Variants in PPP1R2 observed in about 807,000 individuals in gnomAD.
The protein encoded by PPP1R2 is protein phosphatase 1 regulatory inhibitor subunit 2.
In PPP1R2, 16 loss-of-function variants were observed where a neutral mutation model predicts 29.9. The observed-to-expected ratio is 0.53, with a 90% CI of 0.36 to 0.81. The LOEUF is 0.81. PPP1R2 is among the 30% of genes least tolerant of loss of function. The pLI, the probability that PPP1R2 is intolerant of heterozygous loss-of-function variation, is 0.00. For synonymous variants in PPP1R2, 76 were observed against 91.5 expected, an observed-to-expected ratio of 0.83 and a Z score of 0.96; for missense variants, 197 against 252.7, an observed-to-expected ratio of 0.78 and a Z score of 1.49.
intron 1 of PPP1R2, among the ~76,000 whole-genome samples, chr3:195,536,294 A>T (rs1161470114): frequency 2.9e-4 from 2 of 6,934 alleles, no homozygotes; most frequent in Admixed American, 3.0e-3. Flanking sequence ...CCCTGTCTTT[A>T]AAAAAAAAAA....
In PPP1R2 at chr3:195,524,999, T is replaced by C. The variant is rs1012148509; in HGVS notation, c.231-103A>G. ...CATCAACCTACTTAACATATCAATA[T>C]ATTTATAGCTCTGTTGATATCTTTG... On this transcript the variant is annotated intron_variant, in intron 2 of 5. Coordinates refer to ENST00000618156, the MANE Select transcript of PPP1R2 (RefSeq NM_006241.8). The C allele has an allele frequency of 1.7e-4, 149 of 891,394 alleles. 1 individual carries two copies. In the Middle Eastern group the frequency reaches 1.9e-3, roughly 11 times the overall value. 55.2% of individuals were successfully genotyped at this position (891,394 alleles called of 1,614,324 possible).
intron 2 of PPP1R2, among the ~76,000 whole-genome samples, chr3:195,526,467 A>G (rs561372951): frequency 1.3e-5 from 2 of 152,308 alleles, no homozygotes; most frequent in South Asian, 2.1e-4. Context: ...TGAACTGATA[A>G]AAGCAGGACA....
At position 195,542,995 on chromosome 3, in the gene PPP1R2, T is replaced by C. The variant is rs781522597; in HGVS notation, c.31A>G (p.Ile11Val). Residue 11 changes from isoleucine to valine, a missense_variant, in exon 1 of 6, where the codon ATC (isoleucine) becomes GTC (valine). Coordinates refer to ENST00000618156, the MANE Select transcript of PPP1R2 (RefSeq NM_006241.8). ...GTCTTGTTCTTCAAGATCCCCTTGA[T>C]GGGCCGGTGCGAGGCCGTCGAGGCC... MAASTASHRP[I>V]KGILKNKTST... The C allele has an allele frequency of 2.5e-6, 4 of 1,601,958 alleles. No homozygotes were observed. Among genetic ancestry groups the C allele is most frequent in the Admixed American group, 1.7e-5 (1 of 58,438 alleles).
intron 4 of PPP1R2, among the ~76,000 whole-genome samples, chr3:195,520,540 A>G (rs1718716626): frequency 2.0e-5 from 3 of 152,178 alleles, no homozygotes. Flanking sequence ...TAAGCTTAGA[A>G]GGCTGAAACT....
intron 1 of PPP1R2, among the ~76,000 whole-genome samples, chr3:195,533,181 T>A (rs1719251126): frequency 6.6e-6 from 1 of 152,060 alleles, no homozygotes; most frequent in Non-Finnish European, 1.5e-5. Flanking sequence ...ACCCCGTCTC[T>A]ACCAAAAATA....
At chr3:195,538,385 C>T (rs1035851344) in intron 1 of PPP1R2, among the ~76,000 whole-genome samples, 1 of 152,160 alleles carries the variant, frequency 6.6e-6, no homozygotes, top group African/African-American at 2.4e-5. Flanking sequence ...AGAAATGGTT[C>T]TTTCTTTAAA....
intron 2 of PPP1R2, among the ~76,000 whole-genome samples, chr3:195,527,131 C>T (rs1719000455): frequency 6.6e-6 from 1 of 151,738 alleles, no homozygotes; most frequent in Admixed American, 6.6e-5. Flanking sequence ...ACTCTGTTGC[C>T]CAGGTTGGTC....
Position 195,529,806 on chromosome 3 carries a change from G to A in PPP1R2, c.218C>T (p.Thr73Ile). The change falls in exon 2 of 6, where the codon ACT becomes ATT. Residue 73 changes from threonine to isoleucine, a missense_variant. Physicochemically the swap from Thr to Ile is moderately conservative, Grantham distance 89. Around this residue, in one of 3 missense-constraint regions of PPP1R2, gnomAD observed 135 missense variants for 163.0 expected, o/e 0.83. Coordinates refer to ENST00000618156, the MANE Select transcript of PPP1R2 (RefSeq NM_006241.8). ...YGLMKIDEPS[T>I]PYHSMMGDDE... ...TACGTAACATTACCTATGGTAAGGA[G>A]TGCTTGGTTCATCTATTTTCATTAA... The A allele has an allele frequency of 6.2e-7, 1 of 1,600,670 alleles. No homozygotes were observed. Among genetic ancestry groups the A allele is most frequent in the South Asian group, 1.1e-5 (1 of 88,756 alleles).
chr3:195,516,568 C>T lies in PPP1R2; in HGVS notation c.*328G>A. The stretch of plus-strand genomic sequence containing the variant: ...TCAAGTGATGAAAATAAATTAGTTC[C>T]CCCCCAAAGATATTGTTTAACTTCT... On this transcript the variant is annotated 3_prime_UTR_variant, in exon 6 of 6. Transcript: ENST00000618156. 1 of 228,566 alleles carries T rather than the reference C, an allele frequency of 4.4e-6. No homozygotes were observed. Among genetic ancestry groups the T allele is most frequent in the Admixed American group, 5.2e-5 (1 of 19,072 alleles). The allele number at this position is 228,566 out of a possible 1,614,324, so 14.2% of individuals were successfully genotyped here. A position where few individuals can be genotyped will look rare whatever the true frequency, so the allele number is the denominator to read the frequency against.
At chr3:195,536,293 TAAAA>T (rs10645669) in intron 1 of PPP1R2, among the ~76,000 whole-genome samples, 12 of 115,504 alleles carry the variant, frequency 1.0e-4, no homozygotes, top group African/African-American at 2.0e-4. Context: ...ACCCTGTCTT[TAAAA>T]AAAAAAAAAA....
At chr3:195,518,426 C>CG (rs1560430590) in intron 5 of PPP1R2, among the ~76,000 whole-genome samples, 2 of 151,776 alleles carry the variant, frequency 1.3e-5, no homozygotes, top group Non-Finnish European at 1.5e-5. Context: ...CCGAGGCGGG[C>CG]GGATCACAAG....
intron 4 of PPP1R2, 109 bp from the exon 5 acceptor site, chr3:195,519,294 T>C (rs888695908): frequency 2.0e-5 from 16 of 816,834 alleles, no homozygotes; most frequent in Admixed American, 6.5e-5. Flanking sequence ...GTTTTTGTCA[T>C]GCTTAAGGCT....
chr3:195,525,462 C>T (rs897835209), intron 2 of PPP1R2, among the ~76,000 whole-genome samples: 1 of 151,510 alleles, frequency 6.6e-6, no homozygotes, highest in Non-Finnish European at 1.5e-5. Flanking sequence ...GTACTGAAAA[C>T]GTAAATGATC....
intron 1 of PPP1R2, among the ~76,000 whole-genome samples, chr3:195,541,105 A>T (rs1184770651): frequency 6.6e-6 from 1 of 152,226 alleles, no homozygotes; most frequent in Non-Finnish European, 1.5e-5. Context: ...CCTGCCACAG[A>T]TACTACAGAA....
intron 1 of PPP1R2, among the ~76,000 whole-genome samples, chr3:195,530,635 CCT>C (rs1046019643): frequency 7.2e-5 from 11 of 152,156 alleles, no homozygotes; most frequent in African/African-American, 1.4e-4. Context: ...ATGCGCTTCC[CCT>C]GTCTCAGCCT....
chr3:195,539,671 G>C (rs934841465), intron 1 of PPP1R2, among the ~76,000 whole-genome samples: 2 of 152,120 alleles, frequency 1.3e-5, no homozygotes, highest in Non-Finnish European at 2.9e-5. Context: ...GGCAGAATGA[G>C]ATCTTGTCTC....
intron 1 of PPP1R2, among the ~76,000 whole-genome samples, chr3:195,532,709 T>C (rs1719233921): frequency 6.6e-6 from 1 of 152,186 alleles, no homozygotes; most frequent in Non-Finnish European, 1.5e-5. Context: ...GGATTTTTTT[T>C]CAACAAATCT....
rs141840883 is a variant in PPP1R2 at position 195,516,131 on chromosome 3, C to T, written c.*765G>A. 2,779 of 152,542 alleles carry T rather than the reference C, an allele frequency of 0.018. 41 individuals are homozygous for T. Among genetic ancestry groups the T allele is most frequent in the Non-Finnish European group, 0.029 (1,979 of 67,964 alleles). The allele number at this position is 152,542 out of a possible 1,614,324, so 9.4% of individuals were successfully genotyped here. On this transcript the variant is annotated 3_prime_UTR_variant, in exon 6 of 6. Coordinates refer to ENST00000618156, the MANE Select transcript of PPP1R2 (RefSeq NM_006241.8). ...TTTAAAGGGAATGGCGAGATAGCTA[C>T]ATTAGAATATTTATTTTTTTAAAAA...
At position 195,515,116 on chromosome 3, in the gene PPP1R2, C is replaced by CCTG; in HGVS notation, c.*1779_*1780insCAG. 1 of 214,936 alleles carries CCTG rather than the reference C, an allele frequency of 4.7e-6. No homozygotes were observed. The allele number at this position is 214,936 out of a possible 1,614,324, so 13.3% of individuals were successfully genotyped here. A position where few individuals can be genotyped will look rare whatever the true frequency, so the allele number is the denominator to read the frequency against. Reference sequence around the variant, plus strand: ...GTGCACGCACATGTACAGACTTAATCTCTACATCCCCCAAGACAGATTTAA... The same window carrying CCTG: ...GTGCACGCACATGTACAGACTTAATCCTGTCTACATCCCCCAAGACAGATTTAA... On this transcript the variant is annotated 3_prime_UTR_variant, in exon 6 of 6. Transcript: ENST00000618156.
Sources: gnomAD v4.1 joint callset for allele counts (sites outside exome capture counted in the v4.1 genomes callset) on GRCh38, gnomAD v4.1.1 for gene constraint, gnomAD v4.1.1 regional missense constraint, MANE v1.5 for transcripts, NCBI Gene and HGNC (gene_info 2026-07-23, HGNC 2026-07-21) for gene names.